Variants in ERICH6B observed in about 807,000 individuals in gnomAD.
ERICH6B encodes the protein glutamate rich 6B.
ERICH6B carries 69 observed loss-of-function variants against 80.0 expected under a neutral mutation model. That is an observed-to-expected ratio of 0.86 (90% CI 0.71 to 1.05). The LOEUF is 1.05. ERICH6B is among the 50% of genes least tolerant of loss of function. The pLI, the probability that ERICH6B is intolerant of heterozygous loss-of-function variation, is 0.00. For synonymous variants in ERICH6B, 283 were observed against 291.9 expected, an observed-to-expected ratio of 0.97 and a Z score of 0.31; for missense variants, 754 against 796.1, an observed-to-expected ratio of 0.95 and a Z score of 0.64.
In ERICH6B at chr13:45,596,789, ACTCTTCCTCTTCCAGATC is replaced by A. The variant is rs1876409457; in HGVS notation, c.199_216del (p.Asp67_Glu72del). On this transcript the variant is annotated inframe_deletion, in exon 3 of 15. Transcript: ENST00000298738. ...TTCAAGTATTCTTCTTTCCCCAGAT[ACTCTTCCTCTTCCAGATC>A]CTCTTCCTCCTCCAGATACTCTTTG... is the stretch of plus-strand genomic sequence containing the variant. 1 of 1,550,678 alleles carries A rather than the reference ACTCTTCCTCTTCCAGATC, an allele frequency of 6.4e-7. No homozygotes were observed. Among genetic ancestry groups the A allele is most frequent in the Admixed American group, 2.0e-5 (1 of 50,940 alleles).
chr13:45,568,566 A>G (rs1875022376), intron 8 of ERICH6B, 115 bp from the exon 9 acceptor site: 1 of 1,074,204 alleles, frequency 9.3e-7, no homozygotes, highest in African/African-American at 1.6e-5. Context: ...TTATTCTAAA[A>G]ATACAAAAAT....
chr13:45,541,313 T>G lies in ERICH6B; in HGVS notation c.*149A>C. On this transcript the variant is annotated 3_prime_UTR_variant, in exon 15 of 15. Coordinates refer to ENST00000298738, the MANE Select transcript of ERICH6B (RefSeq NM_182542.3). ...ACTCTGTTAGCCCTTCTGCCAAAAA[T>G]GTTTACTTCAAATCAAGGAGCCACG... 1.5e-6 allele frequency: 1 copy of G among 680,170 alleles called. No individual in the cohort carries two copies. Among genetic ancestry groups the G allele is most frequent in the Non-Finnish European group, 2.5e-6 (1 of 405,914 alleles). The allele number at this position is 680,170 out of a possible 1,614,324, so 42.1% of individuals were successfully genotyped here.
intron 11 of ERICH6B, among the ~76,000 whole-genome samples, chr13:45,553,320 G>A (rs1240840706): frequency 1.3e-5 from 2 of 152,188 alleles, no homozygotes; most frequent in Non-Finnish European, 2.9e-5. Flanking sequence ...AAATCTAGGG[G>A]TGGAGGGTTG....
Position 45,578,186 on chromosome 13 carries a change from A to T in ERICH6B, c.961+1747T>A, listed in dbSNP as rs144699001. 4.1e-3 allele frequency among the ~76,000 whole-genome samples: 629 copies of T among 152,310 alleles called. 6 individuals carry two copies. Among genetic ancestry groups the T allele is most frequent in the African/African-American group, 0.014 (593 of 41,564 alleles). ...CTTCATCCTCCACCACCACCTGGTT[A>T]ATATCTGATCACCTGACCCATCTTT... On this transcript the variant is annotated intron_variant, in intron 7 of 14. Coordinates refer to ENST00000298738, the MANE Select transcript of ERICH6B (RefSeq NM_182542.3).
chr13:45,593,434 G>A (rs1387116426), intron 3 of ERICH6B, among the ~76,000 whole-genome samples: 1 of 152,086 alleles, frequency 6.6e-6, no homozygotes, highest in African/African-American at 2.4e-5. Flanking sequence ...TACTTATAAT[G>A]GCTAACACTT....
At chr13:45,573,334 T>C (rs1875254328) in intron 8 of ERICH6B, among the ~76,000 whole-genome samples, 1 of 152,184 alleles carries the variant, frequency 6.6e-6, no homozygotes, top group African/African-American at 2.4e-5. Flanking sequence ...CATGATTCCA[T>C]TTGTGGATAT....
chr13:45,568,498 G>T (rs759671029), intron 8 of ERICH6B, 47 bp from the exon 9 acceptor site: 3 of 1,438,232 alleles, frequency 2.1e-6, no homozygotes, highest in Non-Finnish European at 2.8e-6. Flanking sequence ...GGAAATTAAT[G>T]ATTTGTTAGT....
Position 45,579,936 on chromosome 13 carries a change from T to G in ERICH6B, c.958A>C (p.Asn320His). ...NTKVQQKKEE[N>H]VLEFASKENF... ...ATGCATTATGTCAGATGCTCACCAT[T>G]TTCTTCCTTTTTTTGCTGTACTTTA... is the stretch of plus-strand genomic sequence containing the variant. Residue 320 changes from asparagine to histidine, a missense_variant, in exon 7 of 15, where the codon AAT (asparagine) becomes CAT (histidine). Coordinates refer to ENST00000298738, the MANE Select transcript of ERICH6B (RefSeq NM_182542.3). The G allele has an allele frequency of 6.4e-7, 1 of 1,551,824 alleles. No homozygotes were observed. The highest frequency in any genetic ancestry group is 1.2e-5 in the South Asian group (1 of 84,052).
intron 8 of ERICH6B, among the ~76,000 whole-genome samples, chr13:45,569,438 T>G (rs139340945): frequency 2.6e-5 from 4 of 152,304 alleles, no homozygotes; most frequent in Middle Eastern, 3.4e-3. Flanking sequence ...AAGCTGCCTT[T>G]TTATTTGGCC....
intron 2 of ERICH6B, among the ~76,000 whole-genome samples, chr13:45,601,910 G>A (rs1350272627): frequency 6.6e-6 from 1 of 152,218 alleles, no homozygotes; most frequent in East Asian, 1.9e-4. Context: ...GATGCAATGA[G>A]GCAGTGTGTA....
intron 2 of ERICH6B, among the ~76,000 whole-genome samples, chr13:45,607,311 T>C (rs1949872780): frequency 6.6e-6 from 1 of 152,200 alleles, no homozygotes; most frequent in African/African-American, 2.4e-5. Flanking sequence ...GAACATTTCT[T>C]TGGAAGCCCT....
Position 45,541,571 on chromosome 13 carries a change from A to G in ERICH6B, c.1982T>C (p.Leu661Pro), listed in dbSNP as rs1175307195. 1 of 1,551,872 alleles carries G rather than the reference A, an allele frequency of 6.4e-7. No homozygotes were observed. Among genetic ancestry groups the G allele is most frequent in the Non-Finnish European group, 8.7e-7 (1 of 1,147,042 alleles). ...ATCAGGGGTGGTCGCGTAATTCAGG[A>G]GCCTATTCATTTTCCCCAGAAGGAC... ...IRVLLGKMNR[L>P]LNYATTPDLE... The change falls in exon 15 of 15, where the codon CTC (leucine) becomes CCC (proline). Residue 661 changes from leucine (L) to proline (P), a missense_variant. By Grantham distance (98) the Leu-to-Pro change is moderately conservative. Transcript: ENST00000298738.
chr13:45,586,299 AG>A, intron 5 of ERICH6B, among the ~76,000 whole-genome samples: 1 of 152,298 alleles, frequency 6.6e-6, no homozygotes, highest in South Asian at 2.1e-4. Context: ...GGATAGGGGC[AG>A]GGAAGGGAGG....
chr13:45,603,683 GTGAGGCATGCCCCAC>G (rs1949839984), intron 2 of ERICH6B, among the ~76,000 whole-genome samples: 1 of 152,116 alleles, frequency 6.6e-6, no homozygotes, highest in African/African-American at 2.4e-5. Flanking sequence ...CAGTGCCTCA[GTGAGGCATGCCCCAC>G]TGCCCTGGGT....
chr13:45,562,906 G>A (rs1454808173), intron 10 of ERICH6B, among the ~76,000 whole-genome samples: 1 of 152,170 alleles, frequency 6.6e-6, no homozygotes, highest in African/African-American at 2.4e-5. Flanking sequence ...TATTGAGAGG[G>A]AATCAGGCAG....
intron 8 of ERICH6B, among the ~76,000 whole-genome samples, chr13:45,570,758 C>T (rs1274342530): frequency 1.3e-5 from 2 of 152,190 alleles, no homozygotes; most frequent in African/African-American, 4.8e-5. Flanking sequence ...ACATTCACTC[C>T]ATTGCAGCTG....
chr13:45,615,181 C>T (rs1949920866), intron 1 of ERICH6B, among the ~76,000 whole-genome samples: 1 of 152,090 alleles, frequency 6.6e-6, no homozygotes, highest in Admixed American at 6.5e-5. Context: ...TGTTTACCCC[C>T]CACATTAGAG....
intron 1 of ERICH6B, among the ~76,000 whole-genome samples, chr13:45,615,026 C>G (rs1294247592): frequency 2.6e-5 from 4 of 152,236 alleles, no homozygotes. Context: ...TTTCCTAGGA[C>G]CTTTTTTATA....
intron 2 of ERICH6B, among the ~76,000 whole-genome samples, chr13:45,603,706 G>A (rs915296255): frequency 4.6e-5 from 7 of 152,058 alleles, no homozygotes; most frequent in Non-Finnish European, 1.0e-4. Flanking sequence ...CACTGCCCTG[G>A]GTCCTCCCCT....
Sources: gnomAD v4.1 joint callset for allele counts (sites outside exome capture counted in the v4.1 genomes callset) on GRCh38, gnomAD v4.1.1 for gene constraint, MANE v1.5 for transcripts, NCBI Gene and HGNC (gene_info 2026-07-23, HGNC 2026-07-21) for gene names.